The following SARNP variants were observed in gnomAD, a reference collection of about 807,000 sequenced individuals.
SARNP encodes SAP domain-containing ribonucleoprotein.
Under a neutral mutation model 38.1 loss-of-function variants are expected in SARNP, and 5 were observed. That is an observed-to-expected ratio of 0.13 (90% CI 0.07 to 0.28). SARNP has a LOEUF of 0.28. Among genes scored for constraint, SARNP ranks in the 10% least tolerant of loss-of-function variants. SARNP has a pLI of 1.00. For synonymous variants in SARNP, 84 were observed against 80.6 expected, an observed-to-expected ratio of 1.04 and a Z score of -0.23; for missense variants, 180 against 243.9, an observed-to-expected ratio of 0.74 and a Z score of 1.75.
rs1208360327 is a variant in SARNP at position 55,796,022 on chromosome 12, T to C, written c.303+3A>G. 6 of 1,598,820 alleles carry C rather than the reference T, an allele frequency of 3.8e-6. No individual in the cohort carries two copies. In the African/African-American group the frequency reaches 6.7e-5, roughly 18 times the overall value. On this transcript the variant is annotated splice_donor_region_variant and intron_variant, in intron 5 of 10. Transcript: ENST00000336133. ...CTGTTCTACTAGGGAGCAGAATACC[T>C]ACCTCAGTCTGTGGTATTTCAGATG...
At chr12:55,790,113 A>G (rs1879620952) in intron 8 of SARNP, among the ~76,000 whole-genome samples, 1 of 151,974 alleles carries the variant, frequency 6.6e-6, no homozygotes, top group Non-Finnish European at 1.5e-5. Flanking sequence ...ACAATGGTCC[A>G]GAAAGCCATT....
intron 1 of SARNP, among the ~76,000 whole-genome samples, chr12:55,817,226 T>C (rs748938251): frequency 1.6e-4 from 24 of 151,722 alleles, no homozygotes; most frequent in Non-Finnish European, 2.6e-4. Flanking sequence ...TAGACAGAAA[T>C]ACACAAAAAT....
chr12:55,816,488 A>T (rs139786269), intron 1 of SARNP, among the ~76,000 whole-genome samples: 162 of 152,324 alleles, frequency 1.1e-3, no homozygotes, highest in Non-Finnish European at 1.8e-3. Context: ...ATCCAAGAGT[A>T]AGAAAAACAT....
At chr12:55,792,775 C>T (rs553776048) in intron 7 of SARNP, 4 of 152,068 alleles carry the variant, frequency 2.6e-5, no homozygotes, top group Non-Finnish European at 5.9e-5. Flanking sequence ...GCCTTGACCT[C>T]CCAGGCTTAA....
intron 9 of SARNP, among the ~76,000 whole-genome samples, chr12:55,787,461 G>C (rs1006393578): frequency 1.3e-5 from 2 of 152,080 alleles, no homozygotes; most frequent in Non-Finnish European, 2.9e-5. Flanking sequence ...TTTTGAGACA[G>C]AGTCTCACTC....
chr12:55,792,040 T>C (rs1879685502), intron 7 of SARNP, among the ~76,000 whole-genome samples: 1 of 151,974 alleles, frequency 6.6e-6, no homozygotes, highest in African/African-American at 2.4e-5. Context: ...GAGGATTGCT[T>C]GAGCCCAGGA....
chr12:55,786,118 G>T (rs1879485537), intron 9 of SARNP, among the ~76,000 whole-genome samples: 1 of 152,182 alleles, frequency 6.6e-6, no homozygotes, highest in Admixed American at 6.6e-5. Context: ...AAAAAGTCTA[G>T]GGAAGGGAAG....
At chr12:55,774,947 C>T (rs1301373866) in intron 9 of SARNP, among the ~76,000 whole-genome samples, 7 of 137,196 alleles carry the variant, frequency 5.1e-5, no homozygotes, top group East Asian at 2.1e-4. Context: ...AGCACAGTGG[C>T]GCAATCTTGG....
intron 4 of SARNP, among the ~76,000 whole-genome samples, chr12:55,798,674 C>T (rs1186888921): frequency 6.6e-6 from 1 of 151,804 alleles, no homozygotes; most frequent in African/African-American, 2.4e-5. Context: ...ATCTAAATGT[C>T]CATCAACAGA....
chr12:55,772,899 G>A (rs1249578590), intron 9 of SARNP, among the ~76,000 whole-genome samples: 1 of 152,076 alleles, frequency 6.6e-6, no homozygotes. Context: ...TTTTTCAGTA[G>A]AGACAGGGTT....
chr12:55,754,426 C>T (rs536048623), downstream of SARNP: 4 of 152,332 alleles, frequency 2.6e-5, no homozygotes, highest in African/African-American at 7.2e-5. Context: ...GCATCTACAG[C>T]TTCTGGTCTG....
At chr12:55,763,153 A>G (rs1451133816) in intron 9 of SARNP, among the ~76,000 whole-genome samples, 2 of 152,206 alleles carry the variant, frequency 1.3e-5, no homozygotes, top group Non-Finnish European at 2.9e-5. Flanking sequence ...GAACTATTGT[A>G]AAAACATTAA....
chr12:55,761,979 C>T (rs896122742), intron 9 of SARNP: 1 of 152,250 alleles, frequency 6.6e-6, no homozygotes, highest in African/African-American at 2.4e-5. Context: ...GTTAACCCAA[C>T]AGAAGGACAG....
chr12:55,798,811 C>T (rs1259480444), intron 4 of SARNP, among the ~76,000 whole-genome samples: 2 of 152,068 alleles, frequency 1.3e-5, no homozygotes, highest in Non-Finnish European at 2.9e-5. Flanking sequence ...TTACACTAGT[C>T]GAACTTTTGT....
At chr12:55,793,366 GAAAT>G (rs1879729139) in intron 7 of SARNP, 1 of 152,202 alleles carries the variant, frequency 6.6e-6, no homozygotes, top group South Asian at 2.1e-4. Context: ...CAAGCAAAAA[GAAAT>G]AAATCATTCA....
intron 9 of SARNP, among the ~76,000 whole-genome samples, chr12:55,772,128 G>A (rs148821737): frequency 5.9e-5 from 9 of 152,278 alleles, no homozygotes; most frequent in African/African-American, 2.2e-4. Context: ...CAGAGCTTAA[G>A]TAGATGAAGG....
At chr12:55,796,136 A>C (rs989546860) in intron 4 of SARNP, 60 bp from the exon 5 acceptor site, 5 of 1,219,562 alleles carry the variant, frequency 4.1e-6, no homozygotes, top group Non-Finnish European at 6.0e-6. Flanking sequence ...ACAACCTCAG[A>C]AATGTGTAAG....
In SARNP at chr12:55,794,355, T is replaced by C. The variant is rs766886045; in HGVS notation, c.406+4A>G. On this transcript the variant is annotated splice_donor_region_variant and intron_variant, in intron 7 of 10. Coordinates refer to ENST00000336133, the MANE Select transcript of SARNP (RefSeq NM_033082.4). ...CTTTCTCAGAAGTATCTCTGTACTCTTACCTTTTGTTGGAACTGAAGAAAT... is the reference window on the plus strand; with the variant it reads ...CTTTCTCAGAAGTATCTCTGTACTCCTACCTTTTGTTGGAACTGAAGAAAT... The C allele has an allele frequency of 8.7e-6, 14 of 1,607,372 alleles. No homozygotes were observed. Among genetic ancestry groups the C allele is most frequent in the Non-Finnish European group, 1.2e-5 (14 of 1,177,334 alleles).
intron 9 of SARNP, among the ~76,000 whole-genome samples, chr12:55,770,887 T>C (rs1878986525): frequency 6.6e-6 from 1 of 151,998 alleles, no homozygotes; most frequent in Non-Finnish European, 1.5e-5. Flanking sequence ...CAATTTGATG[T>C]AATTAGCATC....
Sources: gnomAD v4.1 joint callset for allele counts (sites outside exome capture counted in the v4.1 genomes callset) on GRCh38, gnomAD v4.1.1 for gene constraint, MANE v1.5 for transcripts, NCBI Gene and HGNC (gene_info 2026-07-23, HGNC 2026-07-21) for gene names.